Variants in RBFOX2 observed in about 807,000 individuals in gnomAD.
RBFOX2 encodes RNA binding protein fox-1 homolog 2.
RBFOX2 carries 10 observed loss-of-function variants against 49.1 expected under a neutral mutation model. That is an observed-to-expected ratio of 0.20 (90% CI 0.13 to 0.35). The LOEUF is 0.35. RBFOX2 is among the 10% of genes least tolerant of loss of function. RBFOX2 has a pLI of 1.00. For synonymous variants in RBFOX2, 183 were observed against 187.4 expected (o/e 0.98, Z 0.19); for missense variants, 323 against 486.9 (o/e 0.66, Z 3.17).
intron 4 of RBFOX2, among the ~76,000 whole-genome samples, chr22:35,775,400 T>C (rs912758095): frequency 6.6e-6 from 1 of 152,210 alleles, no homozygotes; most frequent in Admixed American, 6.5e-5. Flanking sequence ...GTGCACCCTT[T>C]AGCAGCCCAA....
At chr22:35,967,352 T>C (rs1194200994) in intron 1 of RBFOX2, among the ~76,000 whole-genome samples, 1 of 149,818 alleles carries the variant, frequency 6.7e-6, no homozygotes, top group African/African-American at 2.5e-5. Flanking sequence ...CACTCTAGCC[T>C]GGGCAACAGA....
Position 35,822,534 on chromosome 22 carries a change from GC to G in RBFOX2, c.28-12531del, listed in dbSNP as rs1275372933. ...GTAACCCAGGTAAAAGGACTTGTTA[GC>G]TAGTATGAGTTTCCTCTGTGAATTT... is the stretch of plus-strand genomic sequence containing the variant. On this transcript the variant is annotated intron_variant, in intron 1 of 11. Coordinates refer to ENST00000405409, the Ensembl canonical transcript of RBFOX2. Among the ~76,000 whole-genome samples the G allele has an allele frequency of 2.0e-5, 3 of 152,224 alleles. No individual in the cohort carries two copies. In the East Asian group the frequency reaches 5.8e-4, roughly 29 times the overall value.
intron 2 of RBFOX2, among the ~76,000 whole-genome samples, chr22:35,784,873 C>T (rs1251031504): frequency 6.6e-6 from 1 of 152,222 alleles, no homozygotes; most frequent in Non-Finnish European, 1.5e-5. Flanking sequence ...GGGGCAGGCT[C>T]CTAGGCCAGG....
intron 1 of RBFOX2, among the ~76,000 whole-genome samples, chr22:35,835,639 A>T (rs1020700725): frequency 6.6e-6 from 1 of 152,204 alleles, no homozygotes; most frequent in African/African-American, 2.4e-5. Flanking sequence ...CCTAGACTCA[A>T]TTGCAAAGCT....
intron 1 of RBFOX2, among the ~76,000 whole-genome samples, chr22:35,903,021 T>C (rs942617758): frequency 6.6e-6 from 1 of 152,128 alleles, no homozygotes; most frequent in African/African-American, 2.4e-5. Flanking sequence ...TACCACTAAA[T>C]CTAATGTTCT....
chr22:35,829,982 T>C (rs898835216), intron 1 of RBFOX2, among the ~76,000 whole-genome samples: 1 of 152,196 alleles, frequency 6.6e-6, no homozygotes, highest in African/African-American at 2.4e-5. Context: ...CCTCAAATAG[T>C]TGTTTATTCC....
chr22:36,012,713 T>A (rs927665905), intron 1 of RBFOX2, among the ~76,000 whole-genome samples: 2 of 152,180 alleles, frequency 1.3e-5, no homozygotes, highest in African/African-American at 2.4e-5. Context: ...TTTAAAAAAA[T>A]AGATTGTATA....
At chr22:35,763,019 A>G (rs1432202700) in intron 6 of RBFOX2, among the ~76,000 whole-genome samples, 1 of 152,200 alleles carries the variant, frequency 6.6e-6, no homozygotes, top group Admixed American at 6.5e-5. Context: ...GAACACAAAT[A>G]TTCTGCAACA....
At chr22:35,978,552 A>G (rs1317517470) in intron 1 of RBFOX2, among the ~76,000 whole-genome samples, 1 of 152,192 alleles carries the variant, frequency 6.6e-6, no homozygotes, top group Non-Finnish European at 1.5e-5. Flanking sequence ...CTTTGGTAGG[A>G]AAAGTACAAA....
At chr22:35,991,503 G>A (rs1231161208) in intron 1 of RBFOX2, among the ~76,000 whole-genome samples, 2 of 152,190 alleles carry the variant, frequency 1.3e-5, no homozygotes, top group African/African-American at 4.8e-5. Context: ...GAGGCAGGAG[G>A]ACTTGGGCCT....
intron 5 of RBFOX2, 140 bp from the exon 7 acceptor site, chr22:35,765,623 A>G (rs901110285): frequency 2.3e-6 from 1 of 427,922 alleles, no homozygotes; most frequent in African/African-American, 2.1e-5. Context: ...ACACAGCAAT[A>G]TAAAATATTA....
chr22:35,764,357 G>C (rs1255596547), intron 6 of RBFOX2, among the ~76,000 whole-genome samples: 1 of 152,018 alleles, frequency 6.6e-6, no homozygotes, highest in Non-Finnish European at 1.5e-5. Flanking sequence ...GGCCACGGTG[G>C]GCGGATCACG....
intron 1 of RBFOX2, among the ~76,000 whole-genome samples, chr22:35,856,414 T>A (rs1398673244): frequency 1.3e-5 from 2 of 152,196 alleles, no homozygotes; most frequent in African/African-American, 4.8e-5. Flanking sequence ...TTCTTTCCCT[T>A]CTGCCCATGC....
chr22:35,952,256 C>A (rs1039900755), intron 1 of RBFOX2, among the ~76,000 whole-genome samples: 3 of 152,196 alleles, frequency 2.0e-5, no homozygotes, highest in Non-Finnish European at 4.4e-5. Flanking sequence ...GACTTCACCG[C>A]ATGCACCTTT....
At chr22:35,943,983 T>C (rs1256511515) in intron 1 of RBFOX2, among the ~76,000 whole-genome samples, 1 of 152,232 alleles carries the variant, frequency 6.6e-6, no homozygotes, top group East Asian at 1.9e-4. Flanking sequence ...AAAAATAGCA[T>C]CTGACTTTTA....
At chr22:35,866,143 C>T (rs373583601) in intron 1 of RBFOX2, among the ~76,000 whole-genome samples, 47 of 152,222 alleles carry the variant, frequency 3.1e-4, no homozygotes, top group African/African-American at 1.1e-3. Flanking sequence ...TAAAACCTGC[C>T]ATCAATCAAA....
chr22:35,927,962 T>C (rs1181255419), intron 1 of RBFOX2, among the ~76,000 whole-genome samples: 2 of 152,164 alleles, frequency 1.3e-5, no homozygotes, highest in Admixed American at 6.5e-5. Flanking sequence ...TAAATCAGAA[T>C]GTGAGAACTA....
intron 1 of RBFOX2, among the ~76,000 whole-genome samples, chr22:35,928,720 C>T (rs2051987407): frequency 6.6e-6 from 1 of 151,834 alleles, no homozygotes; most frequent in South Asian, 2.1e-4. Context: ...GAACTTGTAC[C>T]CAGAATATAT....
upstream of RBFOX2, chr22:35,939,087 G>A (rs1253652523): frequency 2.8e-6 from 2 of 701,900 alleles, no homozygotes; most frequent in Admixed American, 4.1e-5. Flanking sequence ...ACAAAAAACA[G>A]TATTTGCTTA....
Sources: gnomAD v4.1 joint callset for allele counts (sites outside exome capture counted in the v4.1 genomes callset) on GRCh38, gnomAD v4.1.1 for gene constraint, MANE v1.5 for transcripts, NCBI Gene and HGNC (gene_info 2026-07-23, HGNC 2026-07-21) for gene names.